WWOX: variants seen among roughly 807,000 people sequenced by gnomAD.
The protein encoded by WWOX is WW domain-containing oxidoreductase.
A neutral mutation model predicts 46.2 loss-of-function variants in WWOX; 69 were observed. The ratio of observed to expected loss-of-function variants is 1.49; its 90% CI spans 1.23 to 1.82. WWOX has a LOEUF of 1.82. Ranked by LOEUF, WWOX falls within the 40% of genes most tolerant of loss-of-function variation. The pLI is 0.00. For synonymous variants in WWOX, 359 were observed against 202.6 expected (o/e 1.77, Z -6.56); for missense variants, 919 against 542.6 (o/e 1.69, Z -6.89).
intron 8 of WWOX, among the ~76,000 whole-genome samples, chr16:78,913,626 TACCCCAACCA>T (rs571256343): frequency 0.012 from 1,799 of 151,864 alleles, 38 homozygotes; most frequent in South Asian, 0.027. Flanking sequence ...TAGCAAGCAT[TACCCCAACCA>T]ATACCTGTGC....
In WWOX at chr16:78,454,488, T is replaced by G. The variant is rs529313755; in HGVS notation, c.1056+21736T>G. 5.5e-5 allele frequency among the ~76,000 whole-genome samples: 8 copies of G among 145,338 alleles called. No homozygotes were observed. In the South Asian group the frequency reaches 1.7e-3, roughly 31 times the overall value. ...TTTTCCCCTAGGTTGTGTTTTTGTG[T>G]TTTTGTTTGTTTGTTTGTTTCTTTG... On this transcript the variant is annotated intron_variant, in intron 8 of 8. Transcript: ENST00000566780.
intron 8 of WWOX, among the ~76,000 whole-genome samples, chr16:78,991,031 C>A (rs1002045695): frequency 5.9e-5 from 9 of 152,166 alleles, no homozygotes; most frequent in African/African-American, 2.2e-4. Flanking sequence ...TTATAAAGTG[C>A]CTTTGAACAG....
At chr16:78,689,986 G>C (rs1180756961) in intron 8 of WWOX, among the ~76,000 whole-genome samples, 1 of 152,006 alleles carries the variant, frequency 6.6e-6, no homozygotes, top group Non-Finnish European at 1.5e-5. Flanking sequence ...TCAGCCTCCT[G>C]AGTAGCTGGG....
At chr16:78,633,498 G>A (rs534184887) in intron 8 of WWOX, among the ~76,000 whole-genome samples, 1 of 152,160 alleles carries the variant, frequency 6.6e-6, no homozygotes, top group Non-Finnish European at 1.5e-5. Context: ...CTTTGGTTAG[G>A]TCCTGCCCGT....
chr16:78,505,607 C>G (rs967699921), intron 8 of WWOX, among the ~76,000 whole-genome samples: 2 of 152,128 alleles, frequency 1.3e-5, no homozygotes, highest in Admixed American at 1.3e-4. Context: ...GCCAGCCTCA[C>G]CAAAAAATCA....
chr16:79,061,584 G>A (rs989875762), intron 8 of WWOX, among the ~76,000 whole-genome samples: 1 of 152,176 alleles, frequency 6.6e-6, no homozygotes, highest in African/African-American at 2.4e-5. Flanking sequence ...CAGAGACACT[G>A]GGACAGAGAA....
intron 8 of WWOX, among the ~76,000 whole-genome samples, chr16:78,671,092 G>T (rs953385757): frequency 6.6e-6 from 1 of 152,164 alleles, no homozygotes; most frequent in Non-Finnish European, 1.5e-5. Flanking sequence ...CAGACACTCA[G>T]ATTTCAAACC....
At chr16:78,598,443 C>A (rs537842422) in intron 8 of WWOX, among the ~76,000 whole-genome samples, 1 of 152,134 alleles carries the variant, frequency 6.6e-6, no homozygotes, top group Non-Finnish European at 1.5e-5. Flanking sequence ...CCTCTTTCCC[C>A]CCGCCCTGGC....
chr16:79,103,153 C>G (rs184286328), intron 8 of WWOX, among the ~76,000 whole-genome samples: 1 of 152,098 alleles, frequency 6.6e-6, no homozygotes, highest in Non-Finnish European at 1.5e-5. Flanking sequence ...TCTCTCAGCC[C>G]GTTTTCATCC....
At chr16:79,179,830 C>T (rs924962085) in intron 8 of WWOX, among the ~76,000 whole-genome samples, 4 of 152,206 alleles carry the variant, frequency 2.6e-5, no homozygotes, top group Non-Finnish European at 5.9e-5. Context: ...TTAAACATTT[C>T]AGCAGCTGTC....
At chr16:78,651,844 T>C (rs904495178) in intron 8 of WWOX, among the ~76,000 whole-genome samples, 1 of 152,194 alleles carries the variant, frequency 6.6e-6, no homozygotes, top group African/African-American at 2.4e-5. Flanking sequence ...GCCTTATTCT[T>C]TCGGAGCCTT....
At chr16:78,911,617 A>G (rs11866172) in intron 8 of WWOX, among the ~76,000 whole-genome samples, 8,526 of 152,112 alleles carry the variant, frequency 0.056, 488 homozygotes, top group African/African-American at 0.14. Flanking sequence ...TGTAATCCCA[A>G]CACTTTGGGA....
At chr16:79,084,455 C>T (rs978871388) in intron 8 of WWOX, among the ~76,000 whole-genome samples, 1 of 152,152 alleles carries the variant, frequency 6.6e-6, no homozygotes. Flanking sequence ...GAGTCTCGCT[C>T]TGTTGCCCAG....
intron 8 of WWOX, among the ~76,000 whole-genome samples, chr16:78,598,642 A>C (rs1216931412): frequency 6.6e-6 from 1 of 152,144 alleles, no homozygotes; most frequent in Non-Finnish European, 1.5e-5. Flanking sequence ...ACGTTTTGAA[A>C]AGAAATCTCC....
At chr16:78,347,991 C>T (rs1468961228) in intron 5 of WWOX, among the ~76,000 whole-genome samples, 1 of 122,396 alleles carries the variant, frequency 8.2e-6, no homozygotes, top group Non-Finnish European at 2.0e-5. Flanking sequence ...TAAAATCATG[C>T]CCAAGTTTTA....
intron 8 of WWOX, among the ~76,000 whole-genome samples, chr16:78,584,545 C>G (rs1206551162): frequency 6.6e-6 from 1 of 152,188 alleles, no homozygotes; most frequent in Admixed American, 6.5e-5. Context: ...TATAAGTGAA[C>G]TGAGGTGTTA....
intron 8 of WWOX, among the ~76,000 whole-genome samples, chr16:78,631,587 C>A (rs1387698382): frequency 1.4e-5 from 2 of 142,974 alleles, no homozygotes; most frequent in South Asian, 4.4e-4. Context: ...CACCCAGGGT[C>A]TAGCACAGTG....
At chr16:78,975,230 A>G (rs542070727) in intron 8 of WWOX, among the ~76,000 whole-genome samples, 5 of 152,158 alleles carry the variant, frequency 3.3e-5, no homozygotes, top group East Asian at 3.9e-4. Context: ...GGGTTCTCAG[A>G]TGGGACCACT....
chr16:78,421,457 C>G (rs73571101), intron 6 of WWOX, among the ~76,000 whole-genome samples: 1,664 of 152,168 alleles, frequency 0.011, 27 homozygotes, highest in African/African-American at 0.037. Context: ...GATTTAAGGC[C>G]CACCTTAATC....
Sources: gnomAD v4.1 joint callset for allele counts (sites outside exome capture counted in the v4.1 genomes callset) on GRCh38, gnomAD v4.1.1 for gene constraint, MANE v1.5 for transcripts, NCBI Gene and HGNC (gene_info 2026-07-23, HGNC 2026-07-21) for gene names.